STIM1: variants seen among roughly 807,000 people sequenced by gnomAD.
The protein encoded by STIM1 is stromal interaction molecule 1.
A neutral mutation model predicts 74.7 loss-of-function variants in STIM1; 25 were observed. The observed-to-expected ratio is 0.33, with a 90% CI of 0.24 to 0.47. STIM1 has a LOEUF of 0.47. Among genes scored for constraint, STIM1 ranks in the 20% least tolerant of loss-of-function variants. The pLI, the probability that STIM1 is intolerant of heterozygous loss-of-function variation, is 1.00. For synonymous variants in STIM1, 328 were observed against 348.8 expected (o/e 0.94, Z 0.66); for missense variants, 728 against 920.8 (o/e 0.79, Z 2.71).
At chr11:3,963,731 G>A (rs1359128606) in intron 1 of STIM1, among the ~76,000 whole-genome samples, 1 of 152,338 alleles carries the variant, frequency 6.6e-6, no homozygotes, top group Non-Finnish European at 1.5e-5. Flanking sequence ...GTCTGGTGGG[G>A]AAGACACATT....
chr11:3,917,059 A>G (rs773832157), intron 1 of STIM1, among the ~76,000 whole-genome samples: 1 of 152,212 alleles, frequency 6.6e-6, no homozygotes, highest in Non-Finnish European at 1.5e-5. Flanking sequence ...CAACTTTGAG[A>G]GTAAGGCCAG....
chr11:4,000,219 T>G (rs1220877286), intron 2 of STIM1, among the ~76,000 whole-genome samples: 2 of 103,814 alleles, frequency 1.9e-5, no homozygotes, highest in Admixed American at 2.3e-4. Flanking sequence ...GTCTGACAGC[T>G]TTGAAGAGAG....
chr11:3,991,950 CAAAAAAAAAAAAAAAA>C (rs1230185435), intron 2 of STIM1, among the ~76,000 whole-genome samples: 1 of 36,702 alleles, frequency 2.7e-5, no homozygotes, highest in African/African-American at 1.4e-4. Context: ...AACTCCATCT[CAAAAAAAAAAAAAAAA>C]AAAAAAGAAA....
At chr11:4,060,877 G>C (rs2094325908) in intron 5 of STIM1, among the ~76,000 whole-genome samples, 1 of 152,200 alleles carries the variant, frequency 6.6e-6, no homozygotes, top group African/African-American at 2.4e-5. Context: ...GGAGTCCAGG[G>C]AAACTTTATG....
At chr11:4,009,564 TGC>T (rs1473495559) in intron 2 of STIM1, among the ~76,000 whole-genome samples, 1 of 151,544 alleles carries the variant, frequency 6.6e-6, no homozygotes, top group Non-Finnish European at 1.5e-5. Context: ...GCTGAGATCA[TGC>T]CACTGCACTC....
At chr11:4,038,149 C>T (rs2094119115) in intron 3 of STIM1, among the ~76,000 whole-genome samples, 1 of 151,638 alleles carries the variant, frequency 6.6e-6, no homozygotes, top group South Asian at 2.1e-4. Context: ...ATTCTCGTGC[C>T]CCAGCCTCCT....
chr11:3,944,951 C>T (rs780554736), intron 1 of STIM1, among the ~76,000 whole-genome samples: 17 of 152,238 alleles, frequency 1.1e-4, no homozygotes, highest in Non-Finnish European at 1.8e-4. Flanking sequence ...TTATATAATA[C>T]GGGTGACCCA....
At chr11:3,856,514 G>C (rs1401115695) in intron 1 of STIM1, 105 bp downstream of exon 1, 1 of 1,397,468 alleles carries the variant, frequency 7.2e-7, no homozygotes, top group Non-Finnish European at 9.6e-7. Flanking sequence ...GAGGTTCATG[G>C]AGGATTCACA....
chr11:4,044,308 G>A (rs2133014928), intron 3 of STIM1, among the ~76,000 whole-genome samples: 1 of 152,328 alleles, frequency 6.6e-6, no homozygotes, highest in East Asian at 1.9e-4. Context: ...AAATTCTGCA[G>A]CCTGTCACTG....
chr11:3,970,418 A>C (rs1452047), intron 2 of STIM1, among the ~76,000 whole-genome samples: 37,259 of 152,072 alleles, frequency 0.25, 5,669 homozygotes, highest in South Asian at 0.45. Context: ...AAACATGTAT[A>C]AGATAGCCTT....
chr11:3,995,332 GTTTA>G (rs944810713), intron 2 of STIM1, among the ~76,000 whole-genome samples: 3 of 152,052 alleles, frequency 2.0e-5, no homozygotes, highest in Admixed American at 6.6e-5. Context: ...TTATTTGCTT[GTTTA>G]TTTATTTAAT....
Position 4,086,940 on chromosome 11 carries a change from T to G in STIM1, c.1634+397T>G. ...ACCTTGGTTTCTGCCTGCCAGCTGC[T>G]GCTTGATCAACTCTGGGGGTGTGTG... On this transcript the variant is annotated intron_variant, in intron 12 of 12. Transcript: ENST00000526596. 4 of 1,479,438 alleles carry G rather than the reference T, an allele frequency of 2.7e-6. No individual in the cohort carries two copies. The South Asian group carries it at 5.4e-5, about 20-fold the overall frequency. 91.6% of individuals were successfully genotyped at this position (1,479,438 alleles called of 1,614,324 possible). A position where few individuals can be genotyped will look rare whatever the true frequency, so the allele number is the denominator to read the frequency against.
At chr11:3,969,059 G>A (rs531817187) in intron 2 of STIM1, among the ~76,000 whole-genome samples, 2 of 152,140 alleles carry the variant, frequency 1.3e-5, no homozygotes, top group African/African-American at 2.4e-5. Flanking sequence ...AAAGTAAAGT[G>A]GGGAAAGTAA....
intron 2 of STIM1, among the ~76,000 whole-genome samples, chr11:4,016,872 G>A (rs937876087): frequency 1.3e-5 from 2 of 152,236 alleles, no homozygotes; most frequent in African/African-American, 2.4e-5. Flanking sequence ...GGGACCCGCC[G>A]AGCCAGGCAC....
intron 1 of STIM1, among the ~76,000 whole-genome samples, chr11:3,916,868 G>A (rs1228924331): frequency 2.0e-5 from 3 of 152,194 alleles, no homozygotes; most frequent in African/African-American, 4.8e-5. Context: ...GATTACAGGC[G>A]TGAGCCACCA....
At position 3,912,990 on chromosome 11, in the gene STIM1, G is replaced by C. The variant is rs139081347; in HGVS notation, c.140-54562G>C. 7.3e-3 allele frequency among the ~76,000 whole-genome samples: 1,108 copies of C among 152,098 alleles called. 18 individuals are homozygous for C. Among genetic ancestry groups the C allele is most frequent in the African/African-American group, 0.025 (1,051 of 41,510 alleles). On this transcript the variant is annotated intron_variant, in intron 1 of 12. Coordinates refer to ENST00000526596, the MANE Select transcript of STIM1 (RefSeq NM_001382567.1). Reference sequence around the variant, plus strand: ...GGTGAGATCTACAGCACCTTTTTTGGTCCCAGAGATGGAAGCCTCATTTTG... The same window carrying C: ...GGTGAGATCTACAGCACCTTTTTTGCTCCCAGAGATGGAAGCCTCATTTTG...
At chr11:3,896,357 A>G (rs1386391774) in intron 1 of STIM1, among the ~76,000 whole-genome samples, 1 of 152,212 alleles carries the variant, frequency 6.6e-6, no homozygotes, top group Non-Finnish European at 1.5e-5. Context: ...TTTTAATGTT[A>G]GGGAAGCTGA....
intron 1 of STIM1, among the ~76,000 whole-genome samples, chr11:3,950,874 C>T (rs779063671): frequency 4.6e-5 from 7 of 152,112 alleles, no homozygotes; most frequent in African/African-American, 7.2e-5. Flanking sequence ...AGTGATCCTC[C>T]GCCTCAGTCT....
chr11:3,981,754 A>C (rs1193748018), intron 2 of STIM1, among the ~76,000 whole-genome samples: 4 of 152,190 alleles, frequency 2.6e-5, no homozygotes, highest in African/African-American at 9.7e-5. Flanking sequence ...CTATGTTATG[A>C]ATCATGTGCA....
Sources: allele counts gnomAD v4.1 joint callset (sites outside exome capture counted in the v4.1 genomes callset), GRCh38; gene constraint gnomAD v4.1.1; transcripts MANE v1.5; gene names NCBI Gene and HGNC (gene_info 2026-07-23, HGNC 2026-07-21).